Variants in RBFOX1 observed in about 807,000 individuals in gnomAD.
RBFOX1 encodes the protein RNA binding protein fox-1 homolog 1.
Under a neutral mutation model 57.7 loss-of-function variants are expected in RBFOX1, and 8 were observed. The ratio of observed to expected loss-of-function variants is 0.14; its 90% confidence interval spans 0.08 to 0.25. The LOEUF is 0.25. RBFOX1 is among the 10% of genes least tolerant of loss of function. The pLI is 1.00. For synonymous variants in RBFOX1, 326 were observed against 222.4 expected (o/e 1.47, Z -4.15); for missense variants, 611 against 548.5 (o/e 1.11, Z -1.14).
At chr16:6,417,210 C>T (rs1027065191) in intron 2 of RBFOX1, among the ~76,000 whole-genome samples, 2 of 151,820 alleles carry the variant, frequency 1.3e-5, no homozygotes, top group African/African-American at 4.8e-5. Context: ...TGGGGTTTCA[C>T]CATGTTGGCC....
intron 2 of RBFOX1, among the ~76,000 whole-genome samples, chr16:6,575,562 A>G (rs539928844): frequency 5.9e-4 from 90 of 152,174 alleles, no homozygotes; most frequent in Non-Finnish European, 1.0e-3. Flanking sequence ...TACATTTTAA[A>G]AAGATTAATA....
chr16:5,844,935 A>T (rs762788322), intron 3 of RBFOX1, among the ~76,000 whole-genome samples: 4 of 152,134 alleles, frequency 2.6e-5, no homozygotes, highest in Non-Finnish European at 4.4e-5. Context: ...ATTTGCAGAG[A>T]ATTGGGTTTA....
intron 3 of RBFOX1, among the ~76,000 whole-genome samples, chr16:5,864,508 G>T (rs1043196187): frequency 7.4e-5 from 11 of 148,990 alleles, no homozygotes; most frequent in Non-Finnish European, 1.5e-4. Context: ...TCTATTGTGT[G>T]TGTGGTGAGG....
chr16:6,612,934 T>A (rs1425171972), intron 2 of RBFOX1, among the ~76,000 whole-genome samples: 1 of 151,414 alleles, frequency 6.6e-6, no homozygotes, highest in Admixed American at 6.6e-5. Context: ...ATTACCAAAT[T>A]CAGTTTGACA....
chr16:7,128,712 G>A (rs1259816443), intron 4 of RBFOX1, among the ~76,000 whole-genome samples: 1 of 152,078 alleles, frequency 6.6e-6, no homozygotes. Flanking sequence ...TCTACCACTT[G>A]ATGGGAGGAT....
chr16:5,408,427 T>G (rs1048661251), intron 1 of RBFOX1, among the ~76,000 whole-genome samples: 9 of 152,214 alleles, frequency 5.9e-5, no homozygotes, highest in African/African-American at 2.2e-4. Flanking sequence ...GAATAGAGTC[T>G]GAGCTATTCA....
At chr16:6,387,256 G>A (rs17140074) in intron 2 of RBFOX1, among the ~76,000 whole-genome samples, 18,744 of 152,026 alleles carry the variant, frequency 0.12, 1,332 homozygotes, top group Middle Eastern at 0.22. Flanking sequence ...GTAAGCATCC[G>A]TAGCCTTCAT....
intron 2 of RBFOX1, among the ~76,000 whole-genome samples, chr16:6,337,241 A>C (rs752140362): frequency 6.6e-6 from 1 of 152,140 alleles, no homozygotes; most frequent in African/African-American, 2.4e-5. Context: ...GGAGGGCCCT[A>C]TGAGGTTCAA....
At chr16:6,194,907 T>G (rs763837055) in intron 1 of RBFOX1, among the ~76,000 whole-genome samples, 1 of 152,248 alleles carries the variant, frequency 6.6e-6, no homozygotes, top group African/African-American at 2.4e-5. Flanking sequence ...CTAGAATGAA[T>G]GAGTGAGTAG....
chr16:7,255,313 T>C (rs1261744493), intron 4 of RBFOX1, among the ~76,000 whole-genome samples: 5 of 152,176 alleles, frequency 3.3e-5, no homozygotes, highest in African/African-American at 1.2e-4. Flanking sequence ...TGTGGAAACT[T>C]TGAGTACAAA....
chr16:6,895,128 A>G (rs1241020565), intron 3 of RBFOX1, among the ~76,000 whole-genome samples: 1 of 152,128 alleles, frequency 6.6e-6, no homozygotes, highest in African/African-American at 2.4e-5. Flanking sequence ...ATAGAAGTTC[A>G]GTTCAGAGAA....
rs537442356 is a variant in RBFOX1, at chr16:7,321,161, G to T, written c.28-196986G>T. ...CTTATATTGTTTGTTTTTTGAGACG[G>T]CGAGATGGTGTTTTGCTCTGCTGCC... On this transcript the variant is annotated intron_variant, in intron 4 of 15. Transcript: ENST00000550418. Among the ~76,000 whole-genome samples the T allele has an allele frequency of 4.3e-4, 50 of 116,904 alleles. 1 individual carries two copies. In the South Asian group the frequency reaches 0.015, roughly 34 times the overall value. The allele number at this position is 116,904 out of a possible 152,430, so 76.7% of individuals were successfully genotyped here.
chr16:6,989,748 C>A (rs2091086654), intron 3 of RBFOX1, among the ~76,000 whole-genome samples: 1 of 152,064 alleles, frequency 6.6e-6, no homozygotes, highest in African/African-American at 2.4e-5. Context: ...ACCTGTAATT[C>A]CAGCACTTTG....
intron 2 of RBFOX1, among the ~76,000 whole-genome samples, chr16:5,565,407 C>G (rs1439725911): frequency 6.6e-6 from 1 of 151,994 alleles, no homozygotes; most frequent in Non-Finnish European, 1.5e-5. Flanking sequence ...GGGCAGATCA[C>G]CTGAGGTTGG....
intron 4 of RBFOX1, among the ~76,000 whole-genome samples, chr16:7,083,875 T>C (rs562981039): frequency 6.6e-6 from 1 of 152,258 alleles, no homozygotes; most frequent in Admixed American, 6.5e-5. Context: ...TCCTGAGGAA[T>C]GGTGACTCTG....
At chr16:5,410,774 C>T (rs1174962533) in intron 1 of RBFOX1, among the ~76,000 whole-genome samples, 1 of 92,178 alleles carries the variant, frequency 1.1e-5, no homozygotes, top group Non-Finnish European at 2.2e-5. Flanking sequence ...CCTGTCCTCT[C>T]CTTTCTGACT....
At chr16:5,758,198 C>A (rs148603979) in intron 3 of RBFOX1, among the ~76,000 whole-genome samples, 20 of 152,306 alleles carry the variant, frequency 1.3e-4, no homozygotes, top group South Asian at 8.3e-4. Context: ...GGCTTTTTAA[C>A]AAATGATGCT....
At chr16:7,579,314 C>A (rs1424703527) in intron 5 of RBFOX1, among the ~76,000 whole-genome samples, 1 of 152,164 alleles carries the variant, frequency 6.6e-6, no homozygotes, top group African/African-American at 2.4e-5. Flanking sequence ...ATTATGTAGG[C>A]ATATCTTCAG....
chr16:6,431,425 A>G (rs1162538935), intron 2 of RBFOX1, among the ~76,000 whole-genome samples: 1 of 152,102 alleles, frequency 6.6e-6, no homozygotes, highest in East Asian at 1.9e-4. Context: ...GCATGCAGTG[A>G]CGGTCCAGCC....
Sources: allele counts gnomAD v4.1 joint callset (sites outside exome capture counted in the v4.1 genomes callset), GRCh38; gene constraint gnomAD v4.1.1; transcripts MANE v1.5; gene names NCBI Gene and HGNC (gene_info 2026-07-23, HGNC 2026-07-21).